RCAN2: variants seen among roughly 807,000 people sequenced by gnomAD.
The protein encoded by RCAN2 is calcipressin-2.
RCAN2 carries 9 observed loss-of-function variants against 23.6 expected under a neutral mutation model. That is an observed-to-expected ratio of 0.38 (90% CI 0.23 to 0.67). RCAN2 has a LOEUF of 0.67. Among genes scored for constraint, RCAN2 ranks in the 30% least tolerant of loss-of-function variants. RCAN2 has a pLI of 0.51. For missense variants in RCAN2, 273 were observed against 302.3 expected, an observed-to-expected ratio of 0.90 and a Z score of 0.72; for synonymous variants, 109 against 115.7, an observed-to-expected ratio of 0.94 and a Z score of 0.37.
At chr6:46,304,716 G>A (rs1381008695) in intron 2 of RCAN2, among the ~76,000 whole-genome samples, 2 of 152,068 alleles carry the variant, frequency 1.3e-5, no homozygotes, top group Non-Finnish European at 2.9e-5. Flanking sequence ...GGAGGGGAAG[G>A]GAGGCAGTAA....
intron 2 of RCAN2, among the ~76,000 whole-genome samples, chr6:46,288,334 G>C (rs942448932): frequency 6.6e-6 from 1 of 152,198 alleles, no homozygotes; most frequent in African/African-American, 2.4e-5. Context: ...TCTCATGCGG[G>C]ATCCTTCCCG....
At chr6:46,309,591 C>T (rs571149464) in intron 2 of RCAN2, among the ~76,000 whole-genome samples, 4 of 152,216 alleles carry the variant, frequency 2.6e-5, no homozygotes, top group African/African-American at 9.6e-5. Context: ...CAAGGTCATC[C>T]ATAGAATGAC....
chr6:46,398,316 C>T (rs925125965), intron 2 of RCAN2, among the ~76,000 whole-genome samples: 2 of 151,902 alleles, frequency 1.3e-5, no homozygotes, highest in African/African-American at 4.8e-5. Flanking sequence ...AAATGTAAGA[C>T]GAAAAAGCAA....
chr6:46,323,151 G>GGACATTCTGATAAA (rs1212556003), intron 2 of RCAN2, among the ~76,000 whole-genome samples: 2 of 152,104 alleles, frequency 1.3e-5, no homozygotes, highest in Non-Finnish European at 2.9e-5. Flanking sequence ...GCTGGATTTA[G>GGACATTCTGATAAA]GACATTCTGA....
At chr6:46,345,480 G>A (rs969321096) in intron 2 of RCAN2, among the ~76,000 whole-genome samples, 1 of 152,058 alleles carries the variant, frequency 6.6e-6, no homozygotes, top group African/African-American at 2.4e-5. Flanking sequence ...CAGAACATTT[G>A]CCATGGTAGA....
intron 1 of RCAN2, among the ~76,000 whole-genome samples, chr6:46,471,980 G>A (rs749338800): frequency 2.6e-5 from 4 of 152,150 alleles, no homozygotes; most frequent in Admixed American, 6.5e-5. Context: ...AGGACTCGGC[G>A]ACTTGCACCT....
chr6:46,293,440 C>T (rs1253571288), intron 2 of RCAN2, among the ~76,000 whole-genome samples: 2 of 152,010 alleles, frequency 1.3e-5, no homozygotes, highest in Non-Finnish European at 2.9e-5. Flanking sequence ...TATATGGTAG[C>T]CACACACTTT....
intron 1 of RCAN2, among the ~76,000 whole-genome samples, chr6:46,483,590 A>G (rs570238965): frequency 2.0e-5 from 3 of 152,262 alleles, no homozygotes; most frequent in Non-Finnish European, 4.4e-5. Flanking sequence ...AAGTAATTCA[A>G]CTCAGAGCAT....
At chr6:46,490,966 C>A (rs1477740550) in intron 1 of RCAN2, among the ~76,000 whole-genome samples, 1 of 151,516 alleles carries the variant, frequency 6.6e-6, no homozygotes, top group Non-Finnish European at 1.5e-5. Flanking sequence ...CCGGGACTGA[C>A]CACAGATCTG....
At chr6:46,468,793 T>C (rs1768467534) in intron 1 of RCAN2, 1 of 984,918 alleles carries the variant, frequency 1.0e-6, no homozygotes, top group Non-Finnish European at 1.2e-6. Flanking sequence ...TCCAGAGCCT[T>C]GCTCACCTTT....
intron 2 of RCAN2, among the ~76,000 whole-genome samples, chr6:46,391,453 T>C (rs1390833052): frequency 6.6e-6 from 1 of 152,124 alleles, no homozygotes; most frequent in Non-Finnish European, 1.5e-5. Flanking sequence ...AGTGTTATGG[T>C]ACCTCATTTG....
chr6:46,384,311 T>C lies in RCAN2; in HGVS notation c.225+72441A>G, dbSNP rs140745126. Among the ~76,000 whole-genome samples the C allele has an allele frequency of 3.3e-3, 510 of 152,362 alleles. 3 individuals are homozygous for C. The highest frequency in any genetic ancestry group is 0.011 in the African/African-American group (478 of 41,578). On this transcript the variant is annotated intron_variant, in intron 2 of 4. Transcript: ENST00000371374. ...CTATTGAACTACCTGGTATAAGATC[T>C]GTTTTCCTGACTGGACCTTGACCAA...
At chr6:46,432,715 C>CA (rs2150417882) in intron 2 of RCAN2, among the ~76,000 whole-genome samples, 1 of 152,114 alleles carries the variant, frequency 6.6e-6, no homozygotes, top group South Asian at 2.1e-4. Flanking sequence ...ATTAGCAACT[C>CA]AAAAATCCCT....
At chr6:46,459,190 A>G (rs1244278863) in intron 1 of RCAN2, among the ~76,000 whole-genome samples, 1 of 152,244 alleles carries the variant, frequency 6.6e-6, no homozygotes, top group East Asian at 1.9e-4. Flanking sequence ...GAGCCACTGC[A>G]CACAGCCAGG....
At chr6:46,359,744 A>G (rs1217426374) in intron 2 of RCAN2, among the ~76,000 whole-genome samples, 5 of 152,222 alleles carry the variant, frequency 3.3e-5, no homozygotes, top group Non-Finnish European at 7.3e-5. Context: ...TGAGTAAACG[A>G]ATATTAACAT....
chr6:46,424,164 T>C (rs1019836838), intron 2 of RCAN2, among the ~76,000 whole-genome samples: 1 of 152,218 alleles, frequency 6.6e-6, no homozygotes, highest in Non-Finnish European at 1.5e-5. Flanking sequence ...TAGACTTATA[T>C]AGAACTTAGT....
intron 2 of RCAN2, among the ~76,000 whole-genome samples, chr6:46,332,878 T>C (rs1022893057): frequency 1.2e-4 from 19 of 152,164 alleles, no homozygotes; most frequent in African/African-American, 3.4e-4. Flanking sequence ...CCTGAGGAAT[T>C]GCCACACTGA....
intron 2 of RCAN2, among the ~76,000 whole-genome samples, chr6:46,450,973 C>T (rs1178795248): frequency 6.6e-6 from 1 of 151,972 alleles, no homozygotes; most frequent in Admixed American, 6.6e-5. Context: ...TGTTAATTAG[C>T]TCAAATTAGT....
At chr6:46,316,516 T>A (rs1308499414) in intron 2 of RCAN2, among the ~76,000 whole-genome samples, 1 of 152,078 alleles carries the variant, frequency 6.6e-6, no homozygotes, top group African/African-American at 2.4e-5. Context: ...TCTTTAGAGG[T>A]CATAACAGCA....
Sources: allele counts gnomAD v4.1 joint callset (sites outside exome capture counted in the v4.1 genomes callset), GRCh38; gene constraint gnomAD v4.1.1; transcripts MANE v1.5; gene names NCBI Gene and HGNC (gene_info 2026-07-23, HGNC 2026-07-21).